CREB1: variants seen among roughly 807,000 people sequenced by gnomAD.
CREB1 encodes cyclic AMP-responsive element-binding protein 1.
In CREB1, 2 loss-of-function variants were observed where a neutral mutation model predicts 42.0. That is an observed-to-expected ratio of 0.05 (90% CI 0.02 to 0.15). The LOEUF (loss-of-function observed/expected upper bound fraction) is 0.15. Among genes scored for constraint, CREB1 ranks in the 10% least tolerant of loss-of-function variants. CREB1 has a pLI of 1.00. For synonymous variants in CREB1, 123 were observed against 139.9 expected (o/e 0.88, Z 0.85); for missense variants, 199 against 388.9 (o/e 0.51, Z 4.11).
At chr2:207,587,414 G>GA (rs1227810425) in intron 7 of CREB1, among the ~76,000 whole-genome samples, 2 of 147,436 alleles carry the variant, frequency 1.4e-5, no homozygotes, top group East Asian at 2.0e-4. Flanking sequence ...AAAGGAAAAA[G>GA]AAAAAAACAC....
intron 7 of CREB1, among the ~76,000 whole-genome samples, chr2:207,588,789 A>G (rs1466798643): frequency 6.8e-6 from 1 of 147,776 alleles, no homozygotes; most frequent in Non-Finnish European, 1.5e-5. Context: ...GGTATATTCA[A>G]TTGTTCATTG....
chr2:207,602,034 GA>G lies in CREB1; in HGVS notation c.*4980del, dbSNP rs1270305081. 1 of 205,256 alleles carries G rather than the reference GA, an allele frequency of 4.9e-6. No individual in the cohort carries two copies. The highest frequency in any genetic ancestry group is 6.0e-5 in the Admixed American group (1 of 16,734). The allele number at this position is 205,256 out of a possible 1,614,324, so 12.7% of individuals were successfully genotyped here. A position where few individuals can be genotyped will look rare whatever the true frequency, so the allele number is the denominator to read the frequency against. ...CATATCATGAAGCTGAGTCAGTATG[GA>G]AAATTTTCAAATAAACAGGGTGCTG... is the stretch of plus-strand genomic sequence containing the variant. On this transcript the variant is annotated 3_prime_UTR_variant, in exon 8 of 8. Transcript: ENST00000353267.
At position 207,535,032 on chromosome 2, in the gene CREB1, A is replaced by G. The variant is rs142502169; in HGVS notation, c.-9+4898A>G. Among the ~76,000 whole-genome samples the G allele has an allele frequency of 9.8e-5, 15 of 152,376 alleles. No individual in the cohort carries two copies. In the East Asian group the frequency reaches 2.9e-3, roughly 29 times the overall value. ...ATTGGAAGCATTTTATTATGTAAGT[A>G]GACTGTATTAACCAGTTAGTGAGCT... On this transcript the variant is annotated intron_variant, in intron 1 of 7. Transcript: ENST00000353267.
In CREB1 at chr2:207,530,970, C is replaced by CT. The variant is rs777124719; in HGVS notation, c.-9+851dup. Among the ~76,000 whole-genome samples the CT allele has an allele frequency of 3.4e-3, 465 of 135,148 alleles. 2 individuals are homozygous for CT. The highest frequency in any genetic ancestry group is 0.011 in the Middle Eastern group (3 of 266). 88.7% of individuals were successfully genotyped at this position (135,148 alleles called of 152,430 possible). A position where few individuals can be genotyped will look rare whatever the true frequency, so the allele number is the denominator to read the frequency against. On this transcript the variant is annotated intron_variant, in intron 1 of 7. Coordinates refer to ENST00000353267, the MANE Select transcript of CREB1 (RefSeq NM_004379.5). The stretch of plus-strand genomic sequence containing the variant: ...AATTTTTGACTCCCTCACCCCTTTG[C>CT]TTTTTTTTTTTTTTTAAAGTCAGTC...
rs1045603290 is a variant in CREB1 at position 207,604,628 on chromosome 2, T to G, written c.*7570T>G. ...GATGCAATTCACATAAATTAACTTT[T>G]TAAGTGAACAATTAAGTGGTAGTAC... On this transcript the variant is annotated 3_prime_UTR_variant, in exon 8 of 8. Transcript: ENST00000353267. Among the ~76,000 whole-genome samples the G allele has an allele frequency of 1.3e-5, 2 of 152,214 alleles. No individual in the cohort carries two copies. The highest frequency in any genetic ancestry group is 2.9e-5 in the Non-Finnish European group (2 of 68,022).
chr2:207,595,607 G>C (rs1336978870), intron 7 of CREB1, among the ~76,000 whole-genome samples: 1 of 151,860 alleles, frequency 6.6e-6, no homozygotes, highest in Non-Finnish European at 1.5e-5. Flanking sequence ...TTGTCACCCA[G>C]GTTGGAATGC....
chr2:207,570,841 C>G (rs181846920), intron 5 of CREB1, among the ~76,000 whole-genome samples: 12 of 151,986 alleles, frequency 7.9e-5, no homozygotes, highest in African/African-American at 2.9e-4. Context: ...TACTTTTTGG[C>G]CCACATAAAG....
intron 5 of CREB1, chr2:207,571,660 C>A: frequency 2.3e-6 from 1 of 439,582 alleles, no homozygotes; most frequent in Non-Finnish European, 4.6e-6. Context: ...AAGCCTCATA[C>A]CAGATGCTTT....
chr2:207,557,173 T>G lies in CREB1; in HGVS notation c.114+1424T>G, dbSNP rs956585603. On this transcript the variant is annotated intron_variant, in intron 2 of 7. Transcript: ENST00000353267. ...AGAAGATGCAATGCCAGCAGGCTTC[T>G]TTATGATGATAGCCCTTAACACATC... 2.6e-5 allele frequency among the ~76,000 whole-genome samples: 4 copies of G among 151,998 alleles called. No individual in the cohort carries two copies. In the South Asian group the frequency reaches 8.3e-4, roughly 32 times the overall value.
intron 7 of CREB1, among the ~76,000 whole-genome samples, chr2:207,585,416 C>A (rs951142878): frequency 6.6e-6 from 1 of 152,176 alleles, no homozygotes; most frequent in Non-Finnish European, 1.5e-5. Flanking sequence ...GCTAACACTA[C>A]AGCTACATCT....
intron 4 of CREB1, 74 bp from the exon 5 acceptor site, chr2:207,570,104 AT>A: frequency 1.8e-6 from 2 of 1,114,804 alleles, no homozygotes; most frequent in Admixed American, 2.8e-5. Flanking sequence ...GAGTTTTCTC[AT>A]CTTTAACTAT....
chr2:207,565,888 A>G (rs979824244), intron 3 of CREB1, among the ~76,000 whole-genome samples: 2 of 152,160 alleles, frequency 1.3e-5, no homozygotes, highest in African/African-American at 4.8e-5. Context: ...TGTATGTGAG[A>G]AAGTTTGTGC....
rs2087475733 is a variant in CREB1 at position 207,603,456 on chromosome 2, G to GA, written c.*6399dup. ...CTGTAAGTCTCTTTTTTGGGGATGG[G>GA]ATCTCTATATTTTGTTGGGTTTTTT... On this transcript the variant is annotated 3_prime_UTR_variant, in exon 8 of 8. Coordinates refer to ENST00000353267, the MANE Select transcript of CREB1 (RefSeq NM_004379.5). 1 of 225,562 alleles carries GA rather than the reference G, an allele frequency of 4.4e-6. No individual in the cohort carries two copies. Among genetic ancestry groups the GA allele is most frequent in the Non-Finnish European group, 8.8e-6 (1 of 113,330 alleles). The allele number at this position is 225,562 out of a possible 1,614,324, so 14.0% of individuals were successfully genotyped here.
intron 7 of CREB1, among the ~76,000 whole-genome samples, chr2:207,594,444 C>T (rs1407485344): frequency 6.6e-6 from 1 of 152,260 alleles, no homozygotes; most frequent in African/African-American, 2.4e-5. Context: ...ATTTGATTGA[C>T]TTTAGATGCC....
At chr2:207,569,350 A>T (rs1354942006) in intron 4 of CREB1, among the ~76,000 whole-genome samples, 8 of 152,146 alleles carry the variant, frequency 5.3e-5, no homozygotes, top group Admixed American at 5.2e-4. Flanking sequence ...AATTCCTTAT[A>T]TCGGGATTGT....
intron 6 of CREB1, 125 bp downstream of exon 6, chr2:207,575,579 A>G: frequency 1.3e-6 from 1 of 797,324 alleles, no homozygotes; most frequent in Non-Finnish European, 1.9e-6. Context: ...TTTCTTCAAT[A>G]TTGATAGTAT....
rs2086920236 is a variant in CREB1 at position 207,600,828 on chromosome 2, T to C, written c.*3770T>C. 1 of 206,670 alleles carries C rather than the reference T, an allele frequency of 4.8e-6. No homozygotes were observed. Among genetic ancestry groups the C allele is most frequent in the Non-Finnish European group, 9.9e-6 (1 of 101,270 alleles). The allele number at this position is 206,670 out of a possible 1,614,324, so 12.8% of individuals were successfully genotyped here. ...AATCCCTACTATCATTTCTACCTTTTGGGGTGACATGTGGAATCATACAAA... is the reference window on the plus strand; with the variant it reads ...AATCCCTACTATCATTTCTACCTTTCGGGGTGACATGTGGAATCATACAAA... On this transcript the variant is annotated 3_prime_UTR_variant, in exon 8 of 8. Transcript: ENST00000353267.
At position 207,600,248 on chromosome 2, in the gene CREB1, T is replaced by G. The variant is rs2086819948; in HGVS notation, c.*3190T>G. On this transcript the variant is annotated 3_prime_UTR_variant, in exon 8 of 8. Transcript: ENST00000353267. ...TATAATATATGTGTACATATATATA[T>G]ATATATATATATATACATACAGTAT... 6.1e-6 allele frequency: 1 copy of G among 162,714 alleles called. No homozygotes were observed. Among genetic ancestry groups the G allele is most frequent in the Non-Finnish European group, 1.3e-5 (1 of 75,754 alleles). 10.1% of individuals were successfully genotyped at this position (162,714 alleles called of 1,614,324 possible).
chr2:207,592,911 C>CAAAAAAGAAGAAAAAAAAGAA (rs1553509959), intron 7 of CREB1, among the ~76,000 whole-genome samples: 3 of 145,200 alleles, frequency 2.1e-5, no homozygotes, highest in South Asian at 2.2e-4. Context: ...GACTCCATCT[C>CAAAAAAGAAGAAAAAAAAGAA]AAAAAAGAAA....
Sources: allele counts gnomAD v4.1 joint callset (sites outside exome capture counted in the v4.1 genomes callset), GRCh38; gene constraint gnomAD v4.1.1; transcripts MANE v1.5; gene names NCBI Gene and HGNC (gene_info 2026-07-23, HGNC 2026-07-21).